Variants in PPP1CC observed in about 807,000 individuals in gnomAD.
The protein encoded by PPP1CC is protein phosphatase 1 catalytic subunit gamma.
Under a neutral mutation model 38.4 loss-of-function variants are expected in PPP1CC, and 16 were observed. That is an observed-to-expected ratio of 0.42 (90% confidence interval 0.28 to 0.63). The LOEUF is 0.63. Ranked by LOEUF, PPP1CC falls within the 30% of genes least tolerant of loss-of-function variation. The pLI is 0.25. For missense variants in PPP1CC, 170 were observed against 391.3 expected (o/e 0.43, Z 4.77); for synonymous variants, 158 against 136.0 (o/e 1.16, Z -1.13).
chr12:110,735,679 G>A (rs902280098), intron 1 of PPP1CC, among the ~76,000 whole-genome samples: 3 of 151,698 alleles, frequency 2.0e-5, no homozygotes, highest in Admixed American at 2.0e-4. Flanking sequence ...CTACACAGGA[G>A]GCTGAGGCAC....
intron 1 of PPP1CC, among the ~76,000 whole-genome samples, chr12:110,741,195 G>T (rs2070013320): frequency 1.4e-5 from 2 of 147,750 alleles, no homozygotes; most frequent in African/African-American, 2.5e-5. Context: ...TTTTTTTGTT[G>T]TTTTTTTTTT....
chr12:110,739,510 T>C (rs1038349136), intron 1 of PPP1CC, among the ~76,000 whole-genome samples: 4 of 152,148 alleles, frequency 2.6e-5, no homozygotes, highest in Non-Finnish European at 5.9e-5. Flanking sequence ...ATGGGTTATT[T>C]AAACAATCTT....
At position 110,720,082 on chromosome 12, in the gene PPP1CC, G is replaced by A. The variant is rs375249056; in HGVS notation, c.*994C>T. 3 of 1,467,258 alleles carry A rather than the reference G, an allele frequency of 2.0e-6. No individual in the cohort carries two copies. Among genetic ancestry groups the A allele is most frequent in the Admixed American group, 2.0e-5 (1 of 50,010 alleles). 90.9% of individuals were successfully genotyped at this position (1,467,258 alleles called of 1,614,324 possible). ...TTAGTTCCTTTGTTTTAACTTATAAGCCTCAACTTCACCGCAGAATAAAGA... is the reference window on the plus strand; with the variant it reads ...TTAGTTCCTTTGTTTTAACTTATAAACCTCAACTTCACCGCAGAATAAAGA... On this transcript the variant is annotated 3_prime_UTR_variant, in exon 7 of 7. Coordinates refer to ENST00000335007, the MANE Select transcript of PPP1CC (RefSeq NM_002710.4).
intron 3 of PPP1CC, chr12:110,724,981 C>A (rs970057117): frequency 3.2e-6 from 1 of 314,394 alleles, no homozygotes; most frequent in Non-Finnish European, 6.1e-6. Flanking sequence ...CCCAGCACTT[C>A]GGGAGGCTGA....
chr12:110,737,564 A>C (rs1276986573), intron 1 of PPP1CC, among the ~76,000 whole-genome samples: 1 of 150,724 alleles, frequency 6.6e-6, no homozygotes, highest in Non-Finnish European at 1.5e-5. Flanking sequence ...AAAGACTTCC[A>C]TGTTCTGATT....
intron 2 of PPP1CC, 65 bp downstream of exon 2, chr12:110,731,705 C>T: frequency 6.5e-7 from 1 of 1,535,996 alleles, no homozygotes. Context: ...ACAAGGTCAT[C>T]AACATATCCT....
intron 1 of PPP1CC, among the ~76,000 whole-genome samples, chr12:110,736,689 C>T (rs2136564382): frequency 1.3e-5 from 2 of 152,208 alleles, no homozygotes; most frequent in East Asian, 3.9e-4. Context: ...ATTTACAACA[C>T]CAGCTCTTTC....
intron 3 of PPP1CC, among the ~76,000 whole-genome samples, chr12:110,729,652 G>C (rs950203244): frequency 2.6e-4 from 40 of 152,032 alleles, no homozygotes; most frequent in African/African-American, 9.4e-4. Flanking sequence ...ATTCTTCCTG[G>C]GTGTGGATAT....
At chr12:110,714,739 G>A (rs997356558), downstream of PPP1CC, among the ~76,000 whole-genome samples, 2 of 142,776 alleles carry the variant, frequency 1.4e-5, no homozygotes, top group African/African-American at 5.2e-5. Context: ...CCGGGAGGTG[G>A]AGCTTGCAAT....
At chr12:110,724,256 C>CA (rs1285470466) in intron 4 of PPP1CC, among the ~76,000 whole-genome samples, 64 of 151,104 alleles carry the variant, frequency 4.2e-4, no homozygotes, top group African/African-American at 1.5e-3. Flanking sequence ...AAAACAAAAA[C>CA]AAAAAAAACC....
At chr12:110,731,678 T>A in intron 2 of PPP1CC, 92 bp downstream of exon 2, 2 of 1,399,030 alleles carry the variant, frequency 1.4e-6, no homozygotes, top group African/African-American at 1.4e-5. Flanking sequence ...AACAGGATAA[T>A]CATTCTGCTA....
downstream of PPP1CC, among the ~76,000 whole-genome samples, chr12:110,716,413 CAG>C (rs1390416667): frequency 3.3e-5 from 5 of 151,252 alleles, no homozygotes; most frequent in African/African-American, 9.7e-5. Flanking sequence ...AGTGCAGTGG[CAG>C]AGTCTTGGCT....
intron 1 of PPP1CC, among the ~76,000 whole-genome samples, chr12:110,739,184 G>A (rs1593586978): frequency 6.6e-6 from 1 of 152,024 alleles, no homozygotes; most frequent in South Asian, 2.1e-4. Context: ...GTGCATGCCT[G>A]TTAATCCCAG....
chr12:110,730,716 C>A lies in PPP1CC; in HGVS notation c.231G>T (p.Glu77Asp). 1 of 1,613,876 alleles carries A rather than the reference C, an allele frequency of 6.2e-7. No homozygotes were observed. The highest frequency in any genetic ancestry group is 8.5e-7 in the Non-Finnish European group (1 of 1,179,944). The change falls in exon 3 of 7, where the codon GAG becomes GAT. Residue 77 changes from glutamate (E) to aspartate (D), a missense_variant. Physicochemically the swap from Glu to Asp is conservative, Grantham distance 45. This residue lies in a region of PPP1CC where 117 missense variants were observed against 344.4 expected (regional missense o/e 0.34). Transcript: ENST00000335007. ...TGCTTTCTGGTGGGAAACCACCGTA[C>A]TCAAAAAGTCGCAGCAAATCATAGT... ...GQYYDLLRLF[E>D]YGGFPPESNY...
intron 1 of PPP1CC, among the ~76,000 whole-genome samples, chr12:110,737,200 G>A (rs144399381): frequency 2.3e-3 from 350 of 152,214 alleles, no homozygotes; most frequent in African/African-American, 8.0e-3. Flanking sequence ...CCTTTGGGCC[G>A]GATGCGGTGT....
At chr12:110,731,474 A>G (rs1336992640) in intron 2 of PPP1CC, among the ~76,000 whole-genome samples, 1 of 152,168 alleles carries the variant, frequency 6.6e-6, no homozygotes, top group African/African-American at 2.4e-5. Context: ...ACATATTCCT[A>G]TACATCCATG....
chr12:110,731,531 CT>C (rs1337544620), intron 2 of PPP1CC, among the ~76,000 whole-genome samples: 17 of 151,894 alleles, frequency 1.1e-4, no homozygotes, highest in Non-Finnish European at 1.5e-5. Flanking sequence ...TCATTTTTTT[CT>C]TTTGCAATGT....
rs569388103 is a variant in PPP1CC at position 110,729,794 on chromosome 12, C to T, written c.418+735G>A. 5.5e-4 allele frequency among the ~76,000 whole-genome samples: 84 copies of T among 152,170 alleles called. 1 individual carries two copies. The highest frequency in any genetic ancestry group is 5.6e-4 in the Non-Finnish European group (38 of 68,012). On this transcript the variant is annotated intron_variant, in intron 3 of 6. Transcript: ENST00000335007. ...GTTGCCTGGGGACTATGGTGATGGT[C>T]GCATAACTCTATAAATTTACTACAA...
the PPP1CC span, among the ~76,000 whole-genome samples, chr12:110,711,656 G>A: frequency 3.3e-5 from 5 of 152,060 alleles, no homozygotes; most frequent in African/African-American, 1.2e-4. Context: ...CAGGGGCAGT[G>A]GCTCATGCCT....
Sources: gnomAD v4.1 joint callset for allele counts (sites outside exome capture counted in the v4.1 genomes callset) on GRCh38, gnomAD v4.1.1 for gene constraint, gnomAD v4.1.1 regional missense constraint, MANE v1.5 for transcripts, NCBI Gene and HGNC (gene_info 2026-07-23, HGNC 2026-07-21) for gene names.